The following EVC variants were observed in gnomAD, a reference collection of about 807,000 sequenced individuals.
The protein encoded by EVC is EvC ciliary complex subunit 1, also known as evC complex member EVC.
A neutral mutation model predicts 118.9 loss-of-function variants in EVC; 116 were observed. The observed-to-expected ratio is 0.98, with a 90% confidence interval of 0.84 to 1.14. EVC has a LOEUF of 1.14. Among genes scored for constraint, EVC ranks in the 50% most tolerant of loss-of-function variants. The pLI is 0.00. For synonymous variants in EVC, 619 were observed against 534.7 expected (o/e 1.16, Z -2.18); for missense variants, 1,401 against 1,246.4 (o/e 1.12, Z -1.87).
At chr4:5,723,598 C>A (rs981163075) in intron 2 of EVC, among the ~76,000 whole-genome samples, 1 of 152,064 alleles carries the variant, frequency 6.6e-6, no homozygotes, top group African/African-American at 2.4e-5. Context: ...TTTGTCGTTT[C>A]TTTTCTCCCC....
At chr4:5,815,570 C>T (rs1272198699), downstream of EVC, among the ~76,000 whole-genome samples, 1 of 152,030 alleles carries the variant, frequency 6.6e-6, no homozygotes, top group Non-Finnish European at 1.5e-5. Flanking sequence ...CCCAGACTGG[C>T]CAATCAGGTA....
chr4:5,799,858 G>C (rs1714658540), intron 15 of EVC, among the ~76,000 whole-genome samples: 1 of 152,216 alleles, frequency 6.6e-6, no homozygotes, highest in African/African-American at 2.4e-5. Context: ...AATTAGGGCT[G>C]TGCCTGGCTG....
At chr4:5,726,661 G>A (rs1029766319) in intron 2 of EVC, among the ~76,000 whole-genome samples, 2 of 148,734 alleles carry the variant, frequency 1.3e-5, no homozygotes, top group Admixed American at 6.7e-5. Flanking sequence ...ATGCTGGTGC[G>A]CTGCACCCAC....
Position 5,753,771 on chromosome 4 carries a change from T to C in EVC, c.1316-14T>C, listed in dbSNP as rs1448633172. 2.2e-5 allele frequency: 35 copies of C among 1,614,150 alleles called. No individual in the cohort carries two copies. Among genetic ancestry groups the C allele is most frequent in the Non-Finnish European group, 2.8e-5 (33 of 1,180,018 alleles). On this transcript the variant is annotated splice_polypyrimidine_tract_variant and intron_variant, in intron 9 of 20. Transcript: ENST00000264956. ...CAGAGTCACCTCCTATGCTGTGGCT[T>C]TTTTCAATCCCAGAGTTTGTCCAGC... is the stretch of plus-strand genomic sequence containing the variant.
At chr4:5,796,527 T>G (rs1264652738) in intron 13 of EVC, among the ~76,000 whole-genome samples, 2 of 152,056 alleles carry the variant, frequency 1.3e-5, no homozygotes, top group Admixed American at 6.6e-5. Context: ...ATTCCTAGGA[T>G]GAAGGCACCC....
chr4:5,774,154 C>G (rs1219339929), intron 11 of EVC, among the ~76,000 whole-genome samples: 1 of 151,858 alleles, frequency 6.6e-6, no homozygotes, highest in Non-Finnish European at 1.5e-5. Context: ...CTCTATACTT[C>G]AGTCCTACTG....
intron 2 of EVC, among the ~76,000 whole-genome samples, chr4:5,724,252 ACG>A (rs1466489923): frequency 6.6e-6 from 1 of 152,224 alleles, no homozygotes; most frequent in Non-Finnish European, 1.5e-5. Context: ...CAGGGTAAAT[ACG>A]CTGGAGGCAT....
Position 5,797,006 on chromosome 4 carries a change from C to T in EVC, c.1887-16C>T, listed in dbSNP as rs372591118. 3 of 1,601,078 alleles carry T rather than the reference C, an allele frequency of 1.9e-6. No homozygotes were observed. Among genetic ancestry groups the T allele is most frequent in the African/African-American group, 1.3e-5 (1 of 74,708 alleles). The stretch of plus-strand genomic sequence containing the variant: ...CCAAGAGCATTGACCCCACCCCTCA[C>T]CTGCTTTCCTCAAAGGTCCACGCGG... On this transcript the variant is annotated splice_polypyrimidine_tract_variant and intron_variant, in intron 13 of 20. Coordinates refer to ENST00000264956, the MANE Select transcript of EVC (RefSeq NM_153717.3).
In EVC at chr4:5,801,936, C is replaced by T; in HGVS notation, c.2305-14C>T. ...GACTTCTCTGCTGTCCCTGTCCTTC[C>T]TTTCTTCCCTCAGAGGACACTGATG... On this transcript the variant is annotated splice_polypyrimidine_tract_variant and intron_variant, in intron 15 of 20. Transcript: ENST00000264956. 3 of 1,612,484 alleles carry T rather than the reference C, an allele frequency of 1.9e-6. No individual in the cohort carries two copies. The highest frequency in any genetic ancestry group is 2.5e-6 in the Non-Finnish European group (3 of 1,179,812).
At chr4:5,768,765 G>C (rs1371599207) in intron 11 of EVC, among the ~76,000 whole-genome samples, 6 of 151,316 alleles carry the variant, frequency 4.0e-5, no homozygotes, top group Admixed American at 2.6e-4. Context: ...GCTGAGGCAT[G>C]AGAATCGCTT....
intron 12 of EVC, among the ~76,000 whole-genome samples, chr4:5,786,344 T>C (rs1274271013): frequency 6.6e-6 from 1 of 152,180 alleles, no homozygotes; most frequent in Admixed American, 6.5e-5. Context: ...CTTAAGTTAT[T>C]TTAGGCAAAT....
At chr4:5,792,980 T>G (rs182455291) in intron 12 of EVC, among the ~76,000 whole-genome samples, 163 of 152,322 alleles carry the variant, frequency 1.1e-3, no homozygotes, top group African/African-American at 3.6e-3. Context: ...AATTGATCTG[T>G]AAAATCAACC....
chr4:5,783,798 T>C lies in EVC; in HGVS notation c.1776+34T>C, dbSNP rs139206840. On this transcript the variant is annotated intron_variant, in intron 12 of 20. Coordinates refer to ENST00000264956, the MANE Select transcript of EVC (RefSeq NM_153717.3). ...ATTTGGGAACCCAGGGGCTGGGGTCTGCATTTTAGAAACACACGAAGAAGC... is the reference window on the plus strand; with the variant it reads ...ATTTGGGAACCCAGGGGCTGGGGTCCGCATTTTAGAAACACACGAAGAAGC... 86 of 1,564,594 alleles carry C rather than the reference T, an allele frequency of 5.5e-5. No individual in the cohort carries two copies. The East Asian group carries it at 2.0e-3, about 36-fold the overall frequency.
At chr4:5,734,407 A>T (rs908362163) in intron 5 of EVC, among the ~76,000 whole-genome samples, 3 of 152,136 alleles carry the variant, frequency 2.0e-5, no homozygotes, top group Non-Finnish European at 4.4e-5. Context: ...TGGGAGGCTG[A>T]GGTGGGAGGA....
chr4:5,718,570 C>G (rs1292402238), intron 1 of EVC, among the ~76,000 whole-genome samples: 1 of 152,006 alleles, frequency 6.6e-6, no homozygotes, highest in African/African-American at 2.4e-5. Context: ...AGCATGAGAG[C>G]AGAGACAAGA....
intron 7 of EVC, among the ~76,000 whole-genome samples, chr4:5,747,456 A>G (rs1729539497): frequency 6.6e-6 from 1 of 152,206 alleles, no homozygotes. Context: ...CTACACCTCT[A>G]GATACATACT....
Position 5,792,627 on chromosome 4 carries a change from A to G in EVC, c.1777-981A>G, listed in dbSNP as rs116053253. Among the ~76,000 whole-genome samples, 1,076 of 152,358 alleles carry G rather than the reference A, an allele frequency of 7.1e-3. 12 individuals are homozygous for G. Among genetic ancestry groups the G allele is most frequent in the African/African-American group, 0.024 (1,004 of 41,580 alleles). On this transcript the variant is annotated intron_variant, in intron 12 of 20. Transcript: ENST00000264956. ...AGTTAGGATGAGCAGACGCTCCTACATCGAATTTTATGCACCATATTTATG... is the reference window on the plus strand; with the variant it reads ...AGTTAGGATGAGCAGACGCTCCTACGTCGAATTTTATGCACCATATTTATG...
In EVC at chr4:5,801,397, G is replaced by A. The variant is rs1322547443; in HGVS notation, c.2305-553G>A. On this transcript the variant is annotated intron_variant, in intron 15 of 20. Coordinates refer to ENST00000264956, the MANE Select transcript of EVC (RefSeq NM_153717.3). Reference sequence around the variant, plus strand: ...TTAATGTTTAGAAACGGAAGGCCTCGGCCGGGCGTGGTGGCTCATGCCTGT... The same window carrying A: ...TTAATGTTTAGAAACGGAAGGCCTCAGCCGGGCGTGGTGGCTCATGCCTGT... 4.6e-5 allele frequency among the ~76,000 whole-genome samples: 7 copies of A among 152,120 alleles called. No individual in the cohort carries two copies. In the South Asian group the frequency reaches 6.2e-4, roughly 14 times the overall value.
At chr4:5,717,232 T>C (rs758559282) in intron 1 of EVC, among the ~76,000 whole-genome samples, 3 of 152,226 alleles carry the variant, frequency 2.0e-5, no homozygotes, top group Non-Finnish European at 2.9e-5. Flanking sequence ...ATTTTCAATT[T>C]TGAAGAGTCA....
Sources: gnomAD v4.1 joint callset for allele counts (sites outside exome capture counted in the v4.1 genomes callset) on GRCh38, gnomAD v4.1.1 for gene constraint, MANE v1.5 for transcripts, NCBI Gene and HGNC (gene_info 2026-07-23, HGNC 2026-07-21) for gene names.